The following FSTL4 variants were observed in gnomAD, a reference collection of about 807,000 sequenced individuals.
FSTL4 encodes the protein follistatin like 4.
FSTL4 carries 28 observed loss-of-function variants against 78.2 expected under a neutral mutation model. The observed-to-expected ratio is 0.36, with a 90% CI of 0.27 to 0.49. The LOEUF is 0.49. FSTL4 is among the 20% of genes least tolerant of loss of function. The pLI, the probability that FSTL4 is intolerant of heterozygous loss-of-function variation, is 0.98. For synonymous variants in FSTL4, 422 were observed against 440.5 expected (o/e 0.96, Z 0.53); for missense variants, 922 against 1,084.9 (o/e 0.85, Z 2.11).
Position 133,316,507 on chromosome 5 carries a change from G to A in FSTL4, c.555C>T (p.Asp185=). The change falls in exon 5 of 16, where the codon GAC becomes GAT. Residue 185 remains aspartate (D), a synonymous_variant. Coordinates refer to ENST00000265342, the MANE Select transcript of FSTL4 (RefSeq NM_015082.2). ...KRLLVESLFR[D]LDADGNGHLS... Reference sequence around the variant, plus strand: ...GGTGGCCATTGCCATCTGCATCTAAGTCCCTGAACAGAGATTCCACCAGGA... The same window carrying A: ...GGTGGCCATTGCCATCTGCATCTAAATCCCTGAACAGAGATTCCACCAGGA... 1 of 1,614,150 alleles carries A rather than the reference G, an allele frequency of 6.2e-7. No individual in the cohort carries two copies. The highest frequency in any genetic ancestry group is 8.5e-7 in the Non-Finnish European group (1 of 1,180,020).
chr5:133,356,193 T>C (rs553609906), intron 4 of FSTL4, among the ~76,000 whole-genome samples: 1 of 152,350 alleles, frequency 6.6e-6, no homozygotes, highest in Admixed American at 6.5e-5. Context: ...TTATTTGCCA[T>C]AGATTCAATC....
the FSTL4 span, among the ~76,000 whole-genome samples, chr5:133,735,772 T>C: frequency 6.6e-6 from 1 of 152,230 alleles, no homozygotes; most frequent in Non-Finnish European, 1.5e-5. Context: ...TCTATTGTTA[T>C]GACCCCTCCA....
chr5:133,758,858 G>A, the FSTL4 span, among the ~76,000 whole-genome samples: 1 of 152,208 alleles, frequency 6.6e-6, no homozygotes, highest in African/African-American at 2.4e-5. Context: ...TGGCTGGCTG[G>A]CAAGTTGATG....
chr5:133,221,349 C>A (rs1213072389), intron 11 of FSTL4, among the ~76,000 whole-genome samples: 1 of 152,002 alleles, frequency 6.6e-6, no homozygotes, highest in Non-Finnish European at 1.5e-5. Context: ...AAACTCTGTC[C>A]TGGCTGTGCT....
intron 3 of FSTL4, among the ~76,000 whole-genome samples, chr5:133,552,425 G>T (rs1759705367): frequency 6.6e-6 from 1 of 152,168 alleles, no homozygotes; most frequent in South Asian, 2.1e-4. Context: ...AGACACGGCT[G>T]CTCTCACCCA....
At chr5:133,786,199 C>T in the FSTL4 span, among the ~76,000 whole-genome samples, 1 of 152,198 alleles carries the variant, frequency 6.6e-6, no homozygotes, top group African/African-American at 2.4e-5. Context: ...ACCAGCAAAG[C>T]AGGTCATCCT....
chr5:133,505,757 G>A (rs1369498766), intron 3 of FSTL4, among the ~76,000 whole-genome samples: 1 of 152,186 alleles, frequency 6.6e-6, no homozygotes, highest in East Asian at 1.9e-4. Flanking sequence ...ATAAATTAAG[G>A]TTCCTACTAG....
At chr5:133,575,861 C>G (rs188123844) in intron 2 of FSTL4, among the ~76,000 whole-genome samples, 1 of 152,324 alleles carries the variant, frequency 6.6e-6, no homozygotes, top group East Asian at 1.9e-4. Flanking sequence ...ATCACACTTT[C>G]TTGAAGCAGG....
At chr5:133,463,346 G>A (rs1757634551) in intron 3 of FSTL4, among the ~76,000 whole-genome samples, 1 of 152,092 alleles carries the variant, frequency 6.6e-6, no homozygotes, top group Non-Finnish European at 1.5e-5. Flanking sequence ...CCTCCACCTA[G>A]AAGTCTAATC....
At chr5:133,320,582 G>A (rs1185111484) in intron 4 of FSTL4, among the ~76,000 whole-genome samples, 1 of 152,244 alleles carries the variant, frequency 6.6e-6, no homozygotes, top group Non-Finnish European at 1.5e-5. Flanking sequence ...CTGCTGGCCA[G>A]ATGTGAAGCT....
At chr5:133,613,530 T>G (rs115683657), upstream of FSTL4, among the ~76,000 whole-genome samples, 419 of 152,366 alleles carry the variant, frequency 2.7e-3, 3 homozygotes, top group African/African-American at 9.6e-3. Context: ...AATGGAAGGC[T>G]GACCTGAAGA....
At chr5:133,216,050 T>C (rs1388632030) in intron 13 of FSTL4, among the ~76,000 whole-genome samples, 1 of 152,238 alleles carries the variant, frequency 6.6e-6, no homozygotes, top group East Asian at 1.9e-4. Flanking sequence ...TGTAGACATC[T>C]TGGGGGCTAT....
At chr5:133,519,517 C>A (rs1243906700) in intron 3 of FSTL4, among the ~76,000 whole-genome samples, 1 of 152,228 alleles carries the variant, frequency 6.6e-6, no homozygotes, top group African/African-American at 2.4e-5. Flanking sequence ...TGTCTGCTCG[C>A]TCCAAAGCAG....
intron 6 of FSTL4, among the ~76,000 whole-genome samples, chr5:133,264,509 G>A (rs1280324619): frequency 1.3e-5 from 2 of 152,184 alleles, no homozygotes; most frequent in East Asian, 3.9e-4. Flanking sequence ...GGGCTCACCT[G>A]CCGTTCCTGG....
At chr5:133,238,137 A>C (rs1190527189) in intron 7 of FSTL4, among the ~76,000 whole-genome samples, 1 of 152,190 alleles carries the variant, frequency 6.6e-6, no homozygotes, top group African/African-American at 2.4e-5. Flanking sequence ...TCAGGTATAT[A>C]TGGAAATGAG....
At chr5:133,243,197 C>T (rs185016506) in intron 7 of FSTL4, among the ~76,000 whole-genome samples, 82 of 152,154 alleles carry the variant, frequency 5.4e-4, no homozygotes, top group Admixed American at 1.2e-3. Context: ...CCGTACTCTG[C>T]CTGCCGACAT....
At chr5:133,365,616 T>G (rs1413881325) in intron 4 of FSTL4, among the ~76,000 whole-genome samples, 2 of 152,248 alleles carry the variant, frequency 1.3e-5, no homozygotes, top group Non-Finnish European at 2.9e-5. Context: ...AGCGGTGCAG[T>G]CTTCAGTCCT....
chr5:133,647,685 T>G, the FSTL4 span, among the ~76,000 whole-genome samples: 2 of 152,228 alleles, frequency 1.3e-5, no homozygotes, highest in East Asian at 3.8e-4. Flanking sequence ...ATATTTCTCA[T>G]CGGAAATCCA....
chr5:133,736,936 A>T, the FSTL4 span, among the ~76,000 whole-genome samples: 1 of 152,104 alleles, frequency 6.6e-6, no homozygotes, highest in Non-Finnish European at 1.5e-5. Flanking sequence ...TTTTTAAAAA[A>T]ATGTTTGTGG....
Sources: allele counts gnomAD v4.1 joint callset (sites outside exome capture counted in the v4.1 genomes callset), GRCh38; gene constraint gnomAD v4.1.1; transcripts MANE v1.5; gene names NCBI Gene and HGNC (gene_info 2026-07-23, HGNC 2026-07-21).